Variants in SERPINB7 observed in about 807,000 individuals in gnomAD.
SERPINB7 encodes the protein serpin B7.
A neutral mutation model predicts 37.4 loss-of-function variants in SERPINB7; 31 were observed. That is an observed-to-expected ratio of 0.83 (90% CI 0.62 to 1.12). SERPINB7 has a LOEUF of 1.12. Ranked by LOEUF, SERPINB7 falls within the 50% of genes most tolerant of loss-of-function variation. The pLI is 0.00. For missense variants in SERPINB7, 521 were observed against 455.3 expected (o/e 1.14, Z -1.31); for synonymous variants, 163 against 166.1 (o/e 0.98, Z 0.14).
At chr18:63,771,290 T>A (rs1274988561), upstream of SERPINB7, among the ~76,000 whole-genome samples, 2 of 151,986 alleles carry the variant, frequency 1.3e-5, no homozygotes, top group South Asian at 2.1e-4. Context: ...CTTAGGGAGG[T>A]CTCTTCAAGG....
intron 1 of SERPINB7, among the ~76,000 whole-genome samples, chr18:63,756,861 A>G (rs3911823): frequency 0.034 from 4,931 of 146,464 alleles, 126 homozygotes; most frequent in African/African-American, 0.068. Flanking sequence ...GAGTAGAAAT[A>G]AAGAAACTTA....
upstream of SERPINB7, among the ~76,000 whole-genome samples, chr18:63,773,669 T>C (rs1330865595): frequency 2.6e-5 from 4 of 152,156 alleles, no homozygotes; most frequent in Admixed American, 2.6e-4. Flanking sequence ...CTCATCTATA[T>C]GCATGAACTG....
intron 1 of SERPINB7, among the ~76,000 whole-genome samples, chr18:63,753,605 G>T (rs2049104295): frequency 6.6e-6 from 1 of 152,054 alleles, no homozygotes; most frequent in Admixed American, 6.5e-5. Flanking sequence ...TTACTTTTTT[G>T]TTAAGCAAAT....
upstream of SERPINB7, among the ~76,000 whole-genome samples, chr18:63,770,814 A>C (rs61669177): frequency 0.021 from 3,116 of 151,838 alleles, 44 homozygotes; most frequent in African/African-American, 0.031. Flanking sequence ...ATTTAACATA[A>C]TGATTATGTT....
chr18:63,757,907 C>T (rs1351534832), intron 1 of SERPINB7, among the ~76,000 whole-genome samples: 3 of 152,196 alleles, frequency 2.0e-5, no homozygotes, highest in Non-Finnish European at 4.4e-5. Context: ...TCTTGATTGC[C>T]TATGAATCCC....
At chr18:63,758,626 A>T (rs567964178) in intron 1 of SERPINB7, among the ~76,000 whole-genome samples, 46 of 152,184 alleles carry the variant, frequency 3.0e-4, no homozygotes, top group Admixed American at 8.5e-4. Flanking sequence ...ATAAGAAAAG[A>T]ATTCTTTAGG....
chr18:63,773,987 T>A (rs1030391983), upstream of SERPINB7, among the ~76,000 whole-genome samples: 9 of 152,076 alleles, frequency 5.9e-5, no homozygotes, highest in East Asian at 5.8e-4. Flanking sequence ...GTACTTTATA[T>A]CCTCAGTAGG....
chr18:63,801,697 C>A (rs2049551213), intron 7 of SERPINB7, among the ~76,000 whole-genome samples: 1 of 152,034 alleles, frequency 6.6e-6, no homozygotes, highest in South Asian at 2.1e-4. Context: ...TGCACTGAGT[C>A]CACCTCTGGA....
At chr18:63,780,492 T>C (rs2049290781) in intron 1 of SERPINB7, among the ~76,000 whole-genome samples, 1 of 152,234 alleles carries the variant, frequency 6.6e-6, no homozygotes. Flanking sequence ...GCCCTTTTCC[T>C]GCCAACTCGC....
upstream of SERPINB7, among the ~76,000 whole-genome samples, chr18:63,772,672 AC>A (rs2049218035): frequency 6.6e-6 from 1 of 151,720 alleles, no homozygotes; most frequent in Admixed American, 6.6e-5. Flanking sequence ...TGTTTAGAAA[AC>A]CTCCCTGTGT....
chr18:63,769,915 C>G (rs2049200886), intron 1 of SERPINB7, among the ~76,000 whole-genome samples: 1 of 151,520 alleles, frequency 6.6e-6, no homozygotes, highest in African/African-American at 2.4e-5. Flanking sequence ...TTGCTAGTGT[C>G]TACTTTCTTC....
At chr18:63,754,898 T>A (rs1052066453) in intron 1 of SERPINB7, among the ~76,000 whole-genome samples, 2 of 131,086 alleles carry the variant, frequency 1.5e-5, no homozygotes, top group Non-Finnish European at 3.3e-5. Flanking sequence ...TTTTTTTTTT[T>A]TTTTTTTTTT....
intron 2 of SERPINB7, among the ~76,000 whole-genome samples, chr18:63,783,191 AGAGAGAGAGAGAGAG>A (rs2049321377): frequency 4.8e-5 from 3 of 61,940 alleles, no homozygotes; most frequent in African/African-American, 2.1e-4. Context: ...AAAGAAAGAG[AGAGAGAGAGAGAGAG>A]AGAGAGAGAG....
At chr18:63,800,837 T>A (rs1277557084) in intron 6 of SERPINB7, 29 bp from the exon 7 acceptor site, 1 of 1,609,796 alleles carries the variant, frequency 6.2e-7, no homozygotes. Flanking sequence ...GGTGGGATCA[T>A]AAATAATTTT....
rs542607808 is a variant in SERPINB7 at position 63,765,940 on chromosome 18, C to T, written c.-19+12820C>T. Among the ~76,000 whole-genome samples, 7 of 152,180 alleles carry T rather than the reference C, an allele frequency of 4.6e-5. No homozygotes were observed. The East Asian group carries it at 1.4e-3, about 29-fold the overall frequency. On this transcript the variant is annotated intron_variant, in intron 1 of 7. Coordinates refer to the SERPINB7 transcript ENST00000336429. ...GTTAGGTAAGGGGTTGCTGGTCTTG[C>T]CGTTAGTGGCTCAAGGCTATCAGGG...
intron 4 of SERPINB7, 101 bp from the exon 5 acceptor site, chr18:63,796,165 C>A (rs998498701): frequency 7.9e-6 from 5 of 630,910 alleles, no homozygotes; most frequent in Admixed American, 2.7e-5. Context: ...CAGAGTTGAA[C>A]CTTTGAATAA....
intron 2 of SERPINB7, among the ~76,000 whole-genome samples, chr18:63,784,460 A>T (rs908467324): frequency 9.9e-5 from 15 of 152,232 alleles, no homozygotes; most frequent in African/African-American, 3.4e-4. Flanking sequence ...ACCAAACTGA[A>T]ATATAGCTCA....
intron 1 of SERPINB7, among the ~76,000 whole-genome samples, chr18:63,762,618 C>A (rs138295311): frequency 8.3e-4 from 127 of 152,300 alleles, no homozygotes; most frequent in African/African-American, 2.7e-3. Flanking sequence ...TTATTTCCCC[C>A]CCATGATAGC....
intron 6 of SERPINB7, among the ~76,000 whole-genome samples, chr18:63,799,120 A>G (rs1391138066): frequency 6.6e-6 from 1 of 152,228 alleles, no homozygotes; most frequent in African/African-American, 2.4e-5. Context: ...TTTACCATCA[A>G]TGATTTTCCT....
Sources: gnomAD v4.1 joint callset for allele counts (sites outside exome capture counted in the v4.1 genomes callset) on GRCh38, gnomAD v4.1.1 for gene constraint, MANE v1.5 for transcripts, NCBI Gene and HGNC (gene_info 2026-07-23, HGNC 2026-07-21) for gene names.